Variants in CNTN5 observed in about 807,000 individuals in gnomAD.
CNTN5 encodes contactin 5.
A neutral mutation model predicts 129.1 loss-of-function variants in CNTN5; 77 were observed. The ratio of observed to expected loss-of-function variants is 0.60; its 90% CI spans 0.50 to 0.72. The LOEUF is 0.72. Ranked by LOEUF, CNTN5 falls within the 30% of genes least tolerant of loss-of-function variation. CNTN5 has a pLI of 0.00. For missense variants in CNTN5, 1,478 were observed against 1,328.8 expected (o/e 1.11, Z -1.75); for synonymous variants, 509 against 465.6 (o/e 1.09, Z -1.20).
At chr11:100,309,028 G>C (rs112992201) in intron 21 of CNTN5, 2 of 984,810 alleles carry the variant, frequency 2.0e-6, no homozygotes, top group Non-Finnish European at 2.4e-6. Flanking sequence ...TTTAGCCTCC[G>C]CAGAGAATAG....
intron 13 of CNTN5, among the ~76,000 whole-genome samples, chr11:100,145,965 C>A (rs1175078842): frequency 1.3e-5 from 2 of 152,058 alleles, no homozygotes; most frequent in African/African-American, 4.8e-5. Context: ...GAATCAGATA[C>A]CATGGAATAG....
chr11:99,688,520 G>T (rs1245525741), intron 3 of CNTN5, among the ~76,000 whole-genome samples: 2 of 152,150 alleles, frequency 1.3e-5, no homozygotes, highest in African/African-American at 4.8e-5. Flanking sequence ...GCTAAGTAAG[G>T]AGTCAATCGT....
intron 13 of CNTN5, among the ~76,000 whole-genome samples, chr11:100,103,023 A>G (rs1945282873): frequency 6.6e-6 from 1 of 152,172 alleles, no homozygotes; most frequent in African/African-American, 2.4e-5. Flanking sequence ...CCTTGTCTCT[A>G]AAATAACGCA....
At chr11:100,164,470 G>A (rs1162589495) in intron 13 of CNTN5, among the ~76,000 whole-genome samples, 1 of 151,414 alleles carries the variant, frequency 6.6e-6, no homozygotes, top group Non-Finnish European at 1.5e-5. Context: ...CAAATCAAAT[G>A]GAAAAATTCA....
chr11:100,343,464 C>T (rs1161076275), intron 23 of CNTN5, among the ~76,000 whole-genome samples: 1 of 152,010 alleles, frequency 6.6e-6, no homozygotes, highest in Non-Finnish European at 1.5e-5. Flanking sequence ...GGAAAGGCTT[C>T]CTGAGGGAAA....
At chr11:99,378,418 A>C (rs1052778292) in intron 2 of CNTN5, among the ~76,000 whole-genome samples, 3 of 152,104 alleles carry the variant, frequency 2.0e-5, no homozygotes, top group Admixed American at 6.6e-5. Flanking sequence ...TTTTCCAGTC[A>C]GTATCACTGT....
At chr11:99,819,841 G>T (rs1234551688) in intron 4 of CNTN5, 76 bp downstream of exon 4, 2 of 470,722 alleles carry the variant, frequency 4.2e-6, no homozygotes, top group South Asian at 8.3e-5. Context: ...TTGCAACAGA[G>T]ATCAAGACTA....
chr11:99,273,082 A>G (rs1021469985), intron 1 of CNTN5, among the ~76,000 whole-genome samples: 2 of 151,810 alleles, frequency 1.3e-5, no homozygotes, highest in African/African-American at 4.8e-5. Flanking sequence ...TTTACAGCTT[A>G]GAGTGTCACG....
At chr11:99,026,935 A>C (rs921439616) in intron 1 of CNTN5, among the ~76,000 whole-genome samples, 2 of 151,586 alleles carry the variant, frequency 1.3e-5, no homozygotes, top group Admixed American at 6.6e-5. Context: ...TACATAAAAC[A>C]TTGTCTTTTA....
intron 8 of CNTN5, among the ~76,000 whole-genome samples, chr11:99,986,431 T>C (rs1565756677): frequency 6.6e-6 from 1 of 152,180 alleles, no homozygotes; most frequent in Non-Finnish European, 1.5e-5. Flanking sequence ...TGTCTTTATC[T>C]GTATGACTGC....
At chr11:99,893,907 A>C (rs1949130669) in intron 6 of CNTN5, among the ~76,000 whole-genome samples, 1 of 152,122 alleles carries the variant, frequency 6.6e-6, no homozygotes, top group South Asian at 2.1e-4. Flanking sequence ...TAGTTTAATC[A>C]TTTGGGGCTA....
chr11:99,663,852 C>A (rs1368336251), intron 3 of CNTN5, among the ~76,000 whole-genome samples: 1 of 152,164 alleles, frequency 6.6e-6, no homozygotes, highest in Non-Finnish European at 1.5e-5. Flanking sequence ...CAGGTAGTAT[C>A]TTTATAGCAG....
chr11:99,738,626 T>TGG (rs1258160765), intron 3 of CNTN5, among the ~76,000 whole-genome samples: 1 of 150,668 alleles, frequency 6.6e-6, no homozygotes, highest in African/African-American at 2.5e-5. Flanking sequence ...CGTGTGTGTG[T>TGG]GTGTGTGTGT....
intron 3 of CNTN5, among the ~76,000 whole-genome samples, chr11:99,773,575 T>C (rs1425901788): frequency 2.0e-5 from 3 of 152,090 alleles, no homozygotes; most frequent in Admixed American, 6.6e-5. Flanking sequence ...CCATGACCAC[T>C]TAGCCTTACA....
At chr11:99,723,285 A>G (rs1246445321) in intron 3 of CNTN5, among the ~76,000 whole-genome samples, 2 of 152,096 alleles carry the variant, frequency 1.3e-5, no homozygotes, top group African/African-American at 4.8e-5. Context: ...TCTCGGACAA[A>G]TGTACATGGC....
intron 15 of CNTN5, among the ~76,000 whole-genome samples, chr11:100,204,969 T>C (rs1591390942): frequency 1.3e-5 from 2 of 152,146 alleles, no homozygotes; most frequent in Middle Eastern, 6.9e-3. Context: ...AGGAATAATA[T>C]ATGAAAAAGA....
chr11:99,049,575 T>G (rs1270452812), intron 1 of CNTN5: 1 of 152,060 alleles, frequency 6.6e-6, no homozygotes, highest in Non-Finnish European at 1.5e-5. Flanking sequence ...TAATAATAAT[T>G]TTTTTCAAAT....
chr11:100,318,242 GA>G (rs66824133), intron 21 of CNTN5, among the ~76,000 whole-genome samples: 15,997 of 76,690 alleles, frequency 0.21, 1,446 homozygotes, highest in East Asian at 0.43. Context: ...CTCTGTCTCA[GA>G]AAAAAAAAAA....
chr11:100,332,925 T>A (rs1392707310), intron 21 of CNTN5, among the ~76,000 whole-genome samples: 1 of 152,138 alleles, frequency 6.6e-6, no homozygotes, highest in Non-Finnish European at 1.5e-5. Flanking sequence ...TTCAGCATAG[T>A]ACTGGAAGTC....
Sources: allele counts gnomAD v4.1 joint callset (sites outside exome capture counted in the v4.1 genomes callset), GRCh38; gene constraint gnomAD v4.1.1; transcripts MANE v1.5; gene names NCBI Gene and HGNC (gene_info 2026-07-23, HGNC 2026-07-21).